The following TXLNB variants were observed in gnomAD, a reference collection of about 807,000 sequenced individuals.
TXLNB encodes the protein taxilin beta.
In TXLNB, 37 loss-of-function variants were observed where a neutral mutation model predicts 57.4. The ratio of observed to expected loss-of-function variants is 0.64; its 90% CI spans 0.50 to 0.85. TXLNB has a LOEUF of 0.85. TXLNB is among the 40% of genes least tolerant of loss of function. The probability of loss-of-function intolerance (pLI) is 0.00; values close to 1 mark genes in which losing one functional copy is unlikely to be tolerated. For synonymous variants in TXLNB, 302 were observed against 309.6 expected, an observed-to-expected ratio of 0.98 and a Z score of 0.26; for missense variants, 848 against 825.6, an observed-to-expected ratio of 1.03 and a Z score of -0.33.
At chr6:139,220,489 G>A in the TXLNB span, among the ~76,000 whole-genome samples, 1 of 152,220 alleles carries the variant, frequency 6.6e-6, no homozygotes, top group South Asian at 2.1e-4. Context: ...GGAGGCAGGA[G>A]TGAGGTAGCC....
At chr6:139,264,095 T>G (rs1246663593) in intron 4 of TXLNB, among the ~76,000 whole-genome samples, 5 of 152,198 alleles carry the variant, frequency 3.3e-5, no homozygotes, top group Non-Finnish European at 7.4e-5. Context: ...TTATAAACCT[T>G]TATTAAGCAA....
chr6:139,179,451 CT>C, the TXLNB span: 2 of 152,160 alleles, frequency 1.3e-5, no homozygotes, highest in African/African-American at 2.4e-5. Flanking sequence ...TTTCTACCCC[CT>C]GAACAATAAA....
the TXLNB span, chr6:139,183,356 C>T: frequency 6.6e-6 from 1 of 152,224 alleles, no homozygotes; most frequent in African/African-American, 2.4e-5. Flanking sequence ...CACTTGCATA[C>T]TGGCCACCTT....
chr6:139,166,204 A>AT, the TXLNB span: 1 of 1,142,276 alleles, frequency 8.8e-7, no homozygotes, highest in African/African-American at 1.6e-5. Context: ...GAAAAACCTT[A>AT]TACCATACTG....
At chr6:139,189,884 C>T in the TXLNB span, among the ~76,000 whole-genome samples, 2 of 152,168 alleles carry the variant, frequency 1.3e-5, no homozygotes, top group Non-Finnish European at 2.9e-5. Flanking sequence ...AAATGTCACT[C>T]CAAGTAGGCT....
At chr6:139,310,902 C>T in the TXLNB span, among the ~76,000 whole-genome samples, 2 of 152,260 alleles carry the variant, frequency 1.3e-5, no homozygotes, top group South Asian at 4.1e-4. Context: ...ACCATGTTGG[C>T]CAGGTGGATC....
the TXLNB span, among the ~76,000 whole-genome samples, chr6:139,314,946 T>C: frequency 6.6e-6 from 1 of 152,168 alleles, no homozygotes; most frequent in African/African-American, 2.4e-5. Context: ...AGTCTGTCTT[T>C]GCAGAACAAA....
chr6:139,165,232 G>T, the TXLNB span, among the ~76,000 whole-genome samples: 1 of 152,094 alleles, frequency 6.6e-6, no homozygotes, highest in East Asian at 1.9e-4. Context: ...ATACATACAT[G>T]TCCTTTTATT....
chr6:139,173,803 C>G, the TXLNB span, among the ~76,000 whole-genome samples: 1 of 152,136 alleles, frequency 6.6e-6, no homozygotes, highest in Non-Finnish European at 1.5e-5. Context: ...CATTGAACTT[C>G]TTTTAAAAAA....
rs556935768 is a variant in TXLNB, at chr6:139,281,054, ATTTT to A, written c.425-4137_425-4134del. Among the ~76,000 whole-genome samples the A allele has an allele frequency of 7.0e-3, 1,059 of 151,928 alleles. 8 individuals are homozygous for A. The highest frequency in any genetic ancestry group is 0.024 in the African/African-American group (1,015 of 41,498). On this transcript the variant is annotated intron_variant, in intron 2 of 9. Transcript: ENST00000358430. ...AACTAGTTGAGTGATTTATTTATTT[ATTTT>A]TTTATTTTTTTATTTTTATTATTTT...
the TXLNB span, among the ~76,000 whole-genome samples, chr6:139,196,365 G>T: frequency 0.4 from 15,441 of 38,922 alleles, 3,767 homozygotes; most frequent in African/African-American, 0.61. Flanking sequence ...TCCAGATCTG[G>T]TTTTTTTTTT....
chr6:139,314,724 C>T, the TXLNB span, among the ~76,000 whole-genome samples: 2 of 152,176 alleles, frequency 1.3e-5, no homozygotes, highest in Admixed American at 1.3e-4. Context: ...AGTTCTGAAA[C>T]CGCCTTTGCA....
the TXLNB span, among the ~76,000 whole-genome samples, chr6:139,195,073 A>C: frequency 6.6e-6 from 1 of 152,054 alleles, no homozygotes; most frequent in Non-Finnish European, 1.5e-5. Flanking sequence ...TTCCTTTCTC[A>C]AGGGCCTTCA....
chr6:139,296,034 A>C (rs1008134965), upstream of TXLNB, among the ~76,000 whole-genome samples: 2 of 149,378 alleles, frequency 1.3e-5, no homozygotes, highest in African/African-American at 2.5e-5. Context: ...TAGAACCTTG[A>C]CCCCCCCCTC....
chr6:139,268,952 T>G (rs1461470642), intron 4 of TXLNB: 1 of 152,138 alleles, frequency 6.6e-6, no homozygotes. Context: ...CAGGTTGGAG[T>G]GTAGTGGCGC....
At chr6:139,176,913 T>C in the TXLNB span, 2 of 856,004 alleles carry the variant, frequency 2.3e-6, no homozygotes, top group East Asian at 2.4e-5. The surrounding 1 kb of genome is among the most constrained non-coding windows in gnomAD (Gnocchi z 4.5). Flanking sequence ...GGAGGGGTGT[T>C]GTGGCTGATG....
In TXLNB at chr6:139,242,837, CAGG is replaced by C. The variant is rs753306429; in HGVS notation, c.1741_1743del (p.Pro581del). The C allele has an allele frequency of 5.9e-5, 96 of 1,614,026 alleles. No homozygotes were observed. Among genetic ancestry groups the C allele is most frequent in the Middle Eastern group, 3.3e-4 (2 of 6,084 alleles). ...CATTGGGTTTCTGCTCCCAACCCGG[CAGG>C]AGAATTACTGGCCTTGGAGGGAGGT... On this transcript the variant is annotated inframe_deletion, in exon 10 of 10. Transcript: ENST00000358430.
chr6:139,177,250 C>CTGCCCT, the TXLNB span: 1 of 570,036 alleles, frequency 1.8e-6, no homozygotes, highest in Non-Finnish European at 3.1e-6. The surrounding 1 kb of genome is among the most constrained non-coding windows in gnomAD (Gnocchi z 4.9). Context: ...AAAATAGGGG[C>CTGCCCT]TGCCCTTGCC....
At chr6:139,188,447 C>G in the TXLNB span, among the ~76,000 whole-genome samples, 7 of 152,112 alleles carry the variant, frequency 4.6e-5, no homozygotes, top group Admixed American at 1.3e-4. Flanking sequence ...GAAAAATGAT[C>G]CATTTGTTTC....
Sources: allele counts gnomAD v4.1 joint callset (sites outside exome capture counted in the v4.1 genomes callset), GRCh38; gene constraint gnomAD v4.1.1; non-coding constraint Gnocchi (gnomAD v3.1); transcripts MANE v1.5; gene names NCBI Gene and HGNC (gene_info 2026-07-23, HGNC 2026-07-21).